Variants in GTSF1 observed in about 807,000 individuals in gnomAD.
GTSF1 encodes the protein gametocyte specific factor 1.
A neutral mutation model predicts 28.9 loss-of-function variants in GTSF1; 11 were observed. That is an observed-to-expected ratio of 0.38 (90% CI 0.24 to 0.63). The LOEUF is 0.63. Ranked by LOEUF, GTSF1 falls within the 30% of genes least tolerant of loss-of-function variation. The pLI is 0.56. For synonymous variants in GTSF1, 69 were observed against 65.6 expected (o/e 1.05, Z -0.25); for missense variants, 146 against 201.0 (o/e 0.73, Z 1.66).
At chr12:54,462,386 ACAAT>A (rs1431795954) in intron 5 of GTSF1, among the ~76,000 whole-genome samples, 3 of 152,234 alleles carry the variant, frequency 2.0e-5, no homozygotes, top group Non-Finnish European at 2.9e-5. Flanking sequence ...GTGCCTACTA[ACAAT>A]CAAACACAGA....
intron 2 of GTSF1, among the ~76,000 whole-genome samples, chr12:54,466,117 C>T (rs894406774): frequency 6.6e-6 from 1 of 152,130 alleles, no homozygotes; most frequent in African/African-American, 2.4e-5. Context: ...TTAAAACAAC[C>T]CTTAGGCTAT....
intron 5 of GTSF1, 141 bp from the exon 6 acceptor site, chr12:54,462,313 G>C: frequency 1.6e-6 from 1 of 625,430 alleles, no homozygotes; most frequent in South Asian, 2.0e-5. Context: ...TCCTGCCTAA[G>C]TGACACAGTA....
chr12:54,465,024 A>G, intron 3 of GTSF1, 43 bp downstream of exon 3: 2 of 1,187,504 alleles, frequency 1.7e-6, no homozygotes, highest in Non-Finnish European at 2.5e-6. Context: ...ATGGCCTTTT[A>G]AAAGAACTCA....
At chr12:54,459,342 T>A in intron 7 of GTSF1, 2 of 1,434,296 alleles carry the variant, frequency 1.4e-6, no homozygotes, top group Non-Finnish European at 1.8e-6. Context: ...TTTGGTGACT[T>A]CATTTTTTGG....
chr12:54,463,912 TAG>T (rs1271436804), intron 3 of GTSF1, among the ~76,000 whole-genome samples: 1 of 152,294 alleles, frequency 6.6e-6, no homozygotes, highest in Admixed American at 6.5e-5. Context: ...ACCCAAATGA[TAG>T]AGTCTACTTT....
At chr12:54,469,169 C>T (rs1956562069) in intron 2 of GTSF1, among the ~76,000 whole-genome samples, 2 of 152,116 alleles carry the variant, frequency 1.3e-5, no homozygotes. Context: ...ACCTCCACCT[C>T]CTGGGTCCAA....
chr12:54,469,079 TTTTTC>T (rs1484982523), intron 2 of GTSF1: 10 of 152,228 alleles, frequency 6.6e-5, no homozygotes, highest in African/African-American at 1.4e-4. Flanking sequence ...TTCTTCTTCT[TTTTTC>T]TTTTAATTTT....
chr12:54,456,133 C>G lies in GTSF1; in HGVS notation c.*41G>C, dbSNP rs73308562. On this transcript the variant is annotated 3_prime_UTR_variant, in exon 9 of 9. Transcript: ENST00000305879. ...AACCCACTGGTAGAAGAAGAAGCAA[C>G]AGTCTTCTAGGGTCTGGCATCTGCA... 5,547 of 152,538 alleles carry G rather than the reference C, an allele frequency of 0.036. 151 individuals are homozygous for G. Among genetic ancestry groups the G allele is most frequent in the Admixed American group, 0.073 (1,109 of 15,278 alleles). 9.4% of individuals were successfully genotyped at this position (152,538 alleles called of 1,614,324 possible).
At position 54,456,098 on chromosome 12, in the gene GTSF1, G is replaced by A. The variant is rs1956325742; in HGVS notation, c.*76C>T. 1 of 152,558 alleles carries A rather than the reference G, an allele frequency of 6.6e-6. No homozygotes were observed. Among genetic ancestry groups the A allele is most frequent in the Non-Finnish European group, 1.5e-5 (1 of 68,018 alleles). The allele number at this position is 152,558 out of a possible 1,614,324, so 9.5% of individuals were successfully genotyped here. A position where few individuals can be genotyped will look rare whatever the true frequency, so the allele number is the denominator to read the frequency against. Reference sequence around the variant, plus strand: ...TTACCATTCTATAATTAGATTAGGAGGAAAATGAGAACCCACTGGTAGAAG... The same window carrying A: ...TTACCATTCTATAATTAGATTAGGAAGAAAATGAGAACCCACTGGTAGAAG... On this transcript the variant is annotated 3_prime_UTR_variant, in exon 9 of 9. Coordinates refer to ENST00000305879, the MANE Select transcript of GTSF1 (RefSeq NM_144594.3).
chr12:54,473,520 A>G (rs1205152318), intron 1 of GTSF1, 26 bp downstream of exon 1: 3 of 152,210 alleles, frequency 2.0e-5, no homozygotes, highest in African/African-American at 7.2e-5. Flanking sequence ...AATTGCTTAG[A>G]GGCGCCCCGG....
rs907942517 is a variant in GTSF1 at position 54,459,966 on chromosome 12, T to A, written c.487+411A>T. ...TGGTCTCGATCTCCTGACCTCGTGA[T>A]CCGCCCGCCTCGGCCTCCCAAAGTG... On this transcript the variant is annotated intron_variant, in intron 7 of 8. Coordinates refer to ENST00000305879, the MANE Select transcript of GTSF1 (RefSeq NM_144594.3). Among the ~76,000 whole-genome samples, 2 of 150,558 alleles carry A rather than the reference T, an allele frequency of 1.3e-5. 1 individual carries two copies. Among genetic ancestry groups the A allele is most frequent in the African/African-American group, 4.9e-5 (2 of 40,518 alleles).
Position 54,459,912 on chromosome 12 carries a change from G to A in GTSF1, c.487+465C>T, listed in dbSNP as rs956243228. On this transcript the variant is annotated intron_variant, in intron 7 of 8. Transcript: ENST00000305879. ...CGGCTAATTTTTTGTATTTTTAGTA[G>A]AGACGGGGTTTCACCGTTTTAGCCG... Among the ~76,000 whole-genome samples, 21 of 134,828 alleles carry A rather than the reference G, an allele frequency of 1.6e-4. 2 individuals carry two copies. Among genetic ancestry groups the A allele is most frequent in the Non-Finnish European group, 2.6e-4 (16 of 62,104 alleles). The allele number at this position is 134,828 out of a possible 152,430, so 88.5% of individuals were successfully genotyped here. A position where few individuals can be genotyped will look rare whatever the true frequency, so the allele number is the denominator to read the frequency against.
In GTSF1 at chr12:54,461,260, A is replaced by AT. The variant is rs879608739; in HGVS notation, c.393-790dup. On this transcript the variant is annotated intron_variant, in intron 6 of 8. Transcript: ENST00000305879. ...AGGCATCCACCACCATGCCCAGCTTATTTTTTTTTTTTAATTTTTTTGTAG... is the reference window on the plus strand; with the variant it reads ...AGGCATCCACCACCATGCCCAGCTTATTTTTTTTTTTTTAATTTTTTTGTAG... Among the ~76,000 whole-genome samples the AT allele has an allele frequency of 4.6e-3, 655 of 143,810 alleles. 2 individuals carry two copies. Among genetic ancestry groups the AT allele is most frequent in the African/African-American group, 8.9e-3 (352 of 39,332 alleles). 94.3% of individuals were successfully genotyped at this position (143,810 alleles called of 152,430 possible).
intron 7 of GTSF1, 37 bp downstream of exon 7, chr12:54,460,340 G>GA (rs1956402677): frequency 7.1e-7 from 1 of 1,414,938 alleles, no homozygotes; most frequent in Admixed American, 1.7e-5. Context: ...TTAGCACAAT[G>GA]AAAAGAGTAA....
intron 7 of GTSF1, among the ~76,000 whole-genome samples, chr12:54,460,053 G>A (rs1332361004): frequency 6.6e-6 from 1 of 152,136 alleles, no homozygotes; most frequent in Non-Finnish European, 1.5e-5. Flanking sequence ...AGAAATCAGG[G>A]ATCACTTCCT....
In GTSF1 at chr12:54,471,276, T is replaced by A; in HGVS notation, c.-28A>T. 6.3e-7 allele frequency: 1 copy of A among 1,588,444 alleles called. No individual in the cohort carries two copies. The highest frequency in any genetic ancestry group is 8.6e-7 in the Non-Finnish European group (1 of 1,169,228). On this transcript the variant is annotated splice_region_variant and 5_prime_UTR_variant, in exon 2 of 9. Transcript: ENST00000305879. ...TGGAAATGAAGAAGCTGAATCCAAG[T>A]GCTGGAAAAAACAAAAGTGTGATTC...
chr12:54,470,321 A>G (rs952217438), intron 2 of GTSF1, among the ~76,000 whole-genome samples: 3 of 152,270 alleles, frequency 2.0e-5, no homozygotes, highest in African/African-American at 7.2e-5. Context: ...GAAAATCTGC[A>G]GGTGGGACCC....
intron 3 of GTSF1, 94 bp from the exon 4 acceptor site, chr12:54,463,391 A>T: frequency 8.7e-7 from 1 of 1,155,122 alleles, no homozygotes; most frequent in Non-Finnish European, 1.3e-6. Flanking sequence ...GCCTCCCCTA[A>T]AATTCCTCAA....
intron 7 of GTSF1, 116 bp from the exon 8 acceptor site, chr12:54,459,241 A>G (rs1363321892): frequency 3.2e-5 from 46 of 1,425,400 alleles, no homozygotes; most frequent in Non-Finnish European, 4.1e-5. Context: ...ATAATATAAA[A>G]GTAGAAGAAT....
Sources: gnomAD v4.1 joint callset for allele counts (sites outside exome capture counted in the v4.1 genomes callset) on GRCh38, gnomAD v4.1.1 for gene constraint, MANE v1.5 for transcripts, NCBI Gene and HGNC (gene_info 2026-07-23, HGNC 2026-07-21) for gene names.